The following CENPP variants were observed in gnomAD, a reference collection of about 807,000 sequenced individuals.
CENPP encodes the protein centromere protein P.
In CENPP, 24 loss-of-function variants were observed where a neutral mutation model predicts 35.6. The observed-to-expected ratio is 0.67, with a 90% CI of 0.49 to 0.95. The LOEUF is 0.95. Ranked by LOEUF, CENPP falls within the 40% of genes least tolerant of loss-of-function variation. The probability of loss-of-function intolerance (pLI) is 0.00; values close to 1 mark genes in which losing one functional copy is unlikely to be tolerated. For synonymous variants in CENPP, 120 were observed against 125.5 expected, an observed-to-expected ratio of 0.96 and a Z score of 0.29; for missense variants, 332 against 345.3, an observed-to-expected ratio of 0.96 and a Z score of 0.31.
chr9:92,586,208 G>A (rs1157180568), intron 5 of CENPP, among the ~76,000 whole-genome samples: 1 of 152,130 alleles, frequency 6.6e-6, no homozygotes, highest in East Asian at 1.9e-4. Flanking sequence ...ACCATGCCCG[G>A]CTAATTTTGT....
At chr9:92,603,125 G>C (rs954254081) in intron 5 of CENPP, among the ~76,000 whole-genome samples, 9 of 152,200 alleles carry the variant, frequency 5.9e-5, no homozygotes, top group Non-Finnish European at 2.9e-5. Flanking sequence ...GAGGCTCAGA[G>C]AGTTTAAAAG....
At chr9:92,360,358 TC>T (rs1841714746) in intron 4 of CENPP, among the ~76,000 whole-genome samples, 1 of 152,138 alleles carries the variant, frequency 6.6e-6, no homozygotes, top group Non-Finnish European at 1.5e-5. Context: ...GCTGAAAAAC[TC>T]CATTAGTCCA....
At chr9:92,560,698 A>G (rs1490627570) in intron 5 of CENPP, among the ~76,000 whole-genome samples, 1 of 151,880 alleles carries the variant, frequency 6.6e-6, no homozygotes, top group Non-Finnish European at 1.5e-5. Context: ...TCTCTACTCC[A>G]TTTCTTTAAA....
intron 5 of CENPP, among the ~76,000 whole-genome samples, chr9:92,437,342 A>G (rs535160059): frequency 6.6e-6 from 1 of 151,700 alleles, no homozygotes; most frequent in Non-Finnish European, 1.5e-5. Context: ...TAAGTCCTTT[A>G]TCAAATATAT....
In CENPP at chr9:92,361,128, C is replaced by CTTTA. The variant is rs536927713; in HGVS notation, c.467+15368_467+15371dup. Among the ~76,000 whole-genome samples the CTTTA allele has an allele frequency of 6.8e-3, 1,028 of 150,582 alleles. 7 individuals carry two copies. Among genetic ancestry groups the CTTTA allele is most frequent in the African/African-American group, 0.011 (457 of 41,158 alleles). On this transcript the variant is annotated intron_variant, in intron 4 of 7. Coordinates refer to ENST00000375587, the MANE Select transcript of CENPP (RefSeq NM_001012267.3). ...TTAAGTGTGTATTTTTATTATTTTA[C>CTTTA]TTTATTTATTTATTTATTTATTTAT...
In CENPP at chr9:92,326,057, G is replaced by C. The variant is rs1264451945; in HGVS notation, c.59G>C (p.Arg20Pro). 6.4e-7 allele frequency: 1 copy of C among 1,564,630 alleles called. No homozygotes were observed. Among genetic ancestry groups the C allele is most frequent in the African/African-American group, 1.4e-5 (1 of 73,188 alleles). ...CAAGCTGAGATCGCGGCCCTGCGGCGAGCGTGTGAGGACCCACCGGCGCCC... is the reference window on the plus strand; with the variant it reads ...CAAGCTGAGATCGCGGCCCTGCGGCCAGCGTGTGAGGACCCACCGGCGCCC... ...ALQAEIAALR[R>P]ACEDPPAPWE... The change falls in exon 1 of 8, where the codon CGA (arginine) becomes CCA (proline). Residue 20 changes from arginine to proline, a missense_variant. Physicochemically the swap from Arg to Pro is moderately radical, Grantham distance 103 (BLOSUM62 -2). Transcript: ENST00000375587.
At chr9:92,612,971 A>C (rs1851311916) in intron 7 of CENPP, 48 bp from the exon 8 acceptor site, 1 of 1,610,922 alleles carries the variant, frequency 6.2e-7, no homozygotes, top group South Asian at 1.1e-5. Flanking sequence ...AAAAGACCAA[A>C]AGCTGCCACC....
chr9:92,392,806 A>G (rs1465544098), intron 5 of CENPP, among the ~76,000 whole-genome samples: 1 of 152,164 alleles, frequency 6.6e-6, no homozygotes, highest in Non-Finnish European at 1.5e-5. Flanking sequence ...GAAGCAAGGG[A>G]TCTTGAAGTA....
chr9:92,347,057 A>G (rs1292231479), intron 4 of CENPP, among the ~76,000 whole-genome samples: 1 of 152,156 alleles, frequency 6.6e-6, no homozygotes, highest in Non-Finnish European at 1.5e-5. Context: ...ATTGGGTAGG[A>G]ATTAAAGCCT....
chr9:92,537,516 C>T (rs1264627199), intron 5 of CENPP, among the ~76,000 whole-genome samples: 4 of 151,844 alleles, frequency 2.6e-5, no homozygotes, highest in Non-Finnish European at 5.9e-5. Context: ...AAAAATTAGC[C>T]GAGTATGGTA....
intron 3 of CENPP, among the ~76,000 whole-genome samples, chr9:92,341,366 G>A (rs909009541): frequency 1.3e-5 from 2 of 151,912 alleles, no homozygotes; most frequent in African/African-American, 2.4e-5. Context: ...ACACATATTC[G>A]CACACTCCCT....
intron 5 of CENPP, among the ~76,000 whole-genome samples, chr9:92,603,702 TC>T (rs1850991823): frequency 6.6e-6 from 1 of 151,808 alleles, no homozygotes; most frequent in African/African-American, 2.4e-5. Context: ...GGTCAGAAAC[TC>T]TCCACACCCC....
intron 5 of CENPP, among the ~76,000 whole-genome samples, chr9:92,592,452 T>C (rs1850688919): frequency 6.6e-6 from 1 of 152,200 alleles, no homozygotes; most frequent in Non-Finnish European, 1.5e-5. Flanking sequence ...TTCATCCACA[T>C]TACAATTTTT....
At chr9:92,430,157 G>A (rs1372028321) in intron 5 of CENPP, among the ~76,000 whole-genome samples, 1 of 152,046 alleles carries the variant, frequency 6.6e-6, no homozygotes, top group Non-Finnish European at 1.5e-5. Context: ...GTATCTTATA[G>A]TTGAGTTCTT....
chr9:92,504,241 G>T (rs1271907632), intron 5 of CENPP, among the ~76,000 whole-genome samples: 1 of 152,212 alleles, frequency 6.6e-6, no homozygotes, highest in African/African-American at 2.4e-5. Flanking sequence ...GAACCCAGGA[G>T]ATTCTGATGG....
rs747546165 is a variant in CENPP, at chr9:92,393,210, A to G, written c.564+13351A>G. The G allele has an allele frequency of 1.3e-5, 21 of 1,606,668 alleles. No homozygotes were observed. In the South Asian group the frequency reaches 2.2e-4, roughly 17 times the overall value. The stretch of plus-strand genomic sequence containing the variant: ...CAACTTCTTCACAGTATACAGAGCC[A>G]CTTAAACAAACACACAGCAGACACG... On this transcript the variant is annotated intron_variant, in intron 5 of 7. Transcript: ENST00000375587.
At chr9:92,582,351 C>G (rs1378465463) in intron 5 of CENPP, among the ~76,000 whole-genome samples, 1 of 152,118 alleles carries the variant, frequency 6.6e-6, no homozygotes, top group Admixed American at 6.6e-5. Context: ...AACTACCACA[C>G]CTGGCCCAAA....
At chr9:92,401,563 A>T (rs1181278281) in intron 5 of CENPP, among the ~76,000 whole-genome samples, 2 of 152,134 alleles carry the variant, frequency 1.3e-5, no homozygotes, top group African/African-American at 2.4e-5. Context: ...GTCTGAACTG[A>T]GTTTCTCATT....
Position 92,600,343 on chromosome 9 carries a change from C to T in CENPP, c.565-10971C>T, listed in dbSNP as rs1244473563. 2.0e-6 allele frequency: 3 copies of T among 1,528,706 alleles called. No homozygotes were observed. In the African/African-American group the frequency reaches 4.2e-5, roughly 21 times the overall value. 94.7% of individuals were successfully genotyped at this position (1,528,706 alleles called of 1,614,324 possible). A position where few individuals can be genotyped will look rare whatever the true frequency, so the allele number is the denominator to read the frequency against. On this transcript the variant is annotated intron_variant, in intron 5 of 7. Coordinates refer to ENST00000375587, the MANE Select transcript of CENPP (RefSeq NM_001012267.3). ...TTGCTGTTTGTTTATTAAAATTCCC[C>T]AGCTCTTCGTTTTAAAAATGCCATT... is the stretch of plus-strand genomic sequence containing the variant.
Sources: allele counts gnomAD v4.1 joint callset (sites outside exome capture counted in the v4.1 genomes callset), GRCh38; gene constraint gnomAD v4.1.1; transcripts MANE v1.5; gene names NCBI Gene and HGNC (gene_info 2026-07-23, HGNC 2026-07-21).